The following PEAK1 variants were observed in gnomAD, a reference collection of about 807,000 sequenced individuals.
PEAK1 encodes the protein inactive tyrosine-protein kinase PEAK1.
A neutral mutation model predicts 124.7 loss-of-function variants in PEAK1; 54 were observed. That is an observed-to-expected ratio of 0.43 (90% CI 0.35 to 0.54). The LOEUF (loss-of-function observed/expected upper bound fraction) is 0.54, where lower values mean the gene tolerates loss of function less well. Among genes scored for constraint, PEAK1 ranks in the 20% least tolerant of loss-of-function variants. PEAK1 has a pLI of 0.01. For synonymous variants in PEAK1, 719 were observed against 760.0 expected (o/e 0.95, Z 0.89); for missense variants, 2,046 against 2,134.5 (o/e 0.96, Z 0.82).
rs78784424 is a variant in PEAK1, at chr15:77,418,139, T to C, written c.-666+1867A>G. 6.3e-5 allele frequency: 62 copies of C among 984,168 alleles called. No homozygotes were observed. The East Asian group carries it at 6.9e-3, about 110-fold the overall frequency. The allele number at this position is 984,168 out of a possible 1,614,324, so 61.0% of individuals were successfully genotyped here. ...ACAAACATTATTGTGAAAGTTTCTG[T>C]ATACTATCAACTGGATAAAACGAAT... On this transcript the variant is annotated intron_variant, in intron 1 of 9. Transcript: ENST00000682557.
Position 77,132,918 on chromosome 15 carries a change from GGAAA to G in PEAK1, c.4077+83_4077+86del, listed in dbSNP as rs1567007794. 3.0e-6 allele frequency: 4 copies of G among 1,346,542 alleles called. 1 individual carries two copies. Among genetic ancestry groups the G allele is most frequent in the Non-Finnish European group, 1.0e-6 (1 of 980,832 alleles). The allele number at this position is 1,346,542 out of a possible 1,614,324, so 83.4% of individuals were successfully genotyped here. ...ATAATTTGCTGAATGGAAGAATGAA[GGAAA>G]GAAAGGAGAAAAGCAGAATGAATCC... On this transcript the variant is annotated intron_variant, in intron 9 of 9. Transcript: ENST00000682557.
At chr15:77,376,810 T>C (rs746046607) in intron 1 of PEAK1, among the ~76,000 whole-genome samples, 1 of 152,232 alleles carries the variant, frequency 6.6e-6, no homozygotes, top group African/African-American at 2.4e-5. Flanking sequence ...GGCTTTTTTA[T>C]GTAAGCTATT....
intron 6 of PEAK1, among the ~76,000 whole-genome samples, chr15:77,184,619 G>A (rs901642396): frequency 6.6e-6 from 1 of 152,236 alleles, no homozygotes; most frequent in Admixed American, 6.5e-5. Context: ...CAGGTAGGCT[G>A]GGCGCGGTAG....
At chr15:77,414,494 A>G (rs1486681607) in intron 1 of PEAK1, among the ~76,000 whole-genome samples, 1 of 151,392 alleles carries the variant, frequency 6.6e-6, no homozygotes, top group African/African-American at 2.4e-5. Context: ...GACTACAGGT[A>G]TGACCCACTA....
At chr15:77,251,637 G>C (rs969029068) in intron 6 of PEAK1, among the ~76,000 whole-genome samples, 1 of 152,176 alleles carries the variant, frequency 6.6e-6, no homozygotes, top group Non-Finnish European at 1.5e-5. Context: ...TGAAGGATGT[G>C]AGGTAGGAGG....
intron 6 of PEAK1, among the ~76,000 whole-genome samples, chr15:77,223,684 T>C (rs138497568): frequency 3.3e-5 from 5 of 152,130 alleles, no homozygotes; most frequent in African/African-American, 2.4e-5. Flanking sequence ...CATTTGACCA[T>C]AGAGAGAATA....
chr15:77,121,805 C>G (rs532200076), intron 9 of PEAK1, among the ~76,000 whole-genome samples: 1 of 152,176 alleles, frequency 6.6e-6, no homozygotes, highest in East Asian at 1.9e-4. Flanking sequence ...CCTCAGTGAA[C>G]CTTAAGTGAG....
chr15:77,165,488 C>T (rs116291423), intron 7 of PEAK1, among the ~76,000 whole-genome samples: 5,468 of 152,260 alleles, frequency 0.036, 282 homozygotes, highest in African/African-American at 0.11. Context: ...TGAGCCACTG[C>T]GCCCGACCCT....
chr15:77,249,337 T>C (rs1403112076), intron 6 of PEAK1, among the ~76,000 whole-genome samples: 1 of 152,192 alleles, frequency 6.6e-6, no homozygotes, highest in Non-Finnish European at 1.5e-5. Flanking sequence ...TTTCAGCTAA[T>C]GAAATAAACT....
intron 5 of PEAK1, among the ~76,000 whole-genome samples, chr15:77,257,819 T>A (rs1256589942): frequency 7.7e-6 from 1 of 130,674 alleles, no homozygotes; most frequent in Non-Finnish European, 1.8e-5. Context: ...ATGTCCTGAA[T>A]GGTAAGGCCT....
At chr15:77,316,209 A>G (rs562871378) in intron 2 of PEAK1, among the ~76,000 whole-genome samples, 1 of 152,324 alleles carries the variant, frequency 6.6e-6, no homozygotes, top group East Asian at 1.9e-4. Flanking sequence ...TCACATACCC[A>G]ACAGGTTTAG....
chr15:77,226,449 A>G (rs1479187631), intron 6 of PEAK1, among the ~76,000 whole-genome samples: 1 of 152,038 alleles, frequency 6.6e-6, no homozygotes, highest in Non-Finnish European at 1.5e-5. Flanking sequence ...ATATACCAGT[A>G]TATCTGTTCT....
At chr15:77,372,058 C>A (rs1017816577) in intron 1 of PEAK1, among the ~76,000 whole-genome samples, 7 of 152,168 alleles carry the variant, frequency 4.6e-5, no homozygotes, top group African/African-American at 7.2e-5. Context: ...AGGTATAAGG[C>A]AACAACTCTG....
chr15:77,248,402 A>G (rs2060692922), intron 6 of PEAK1, among the ~76,000 whole-genome samples: 1 of 152,236 alleles, frequency 6.6e-6, no homozygotes, highest in Non-Finnish European at 1.5e-5. Flanking sequence ...CCGTTGAATG[A>G]ATATTTGTGT....
chr15:77,390,321 G>C (rs771340139), intron 1 of PEAK1, among the ~76,000 whole-genome samples: 6 of 152,166 alleles, frequency 3.9e-5, no homozygotes, highest in Non-Finnish European at 7.3e-5. Context: ...CAGCAATTCT[G>C]GAATTTTCAA....
At chr15:77,290,283 C>A (rs757747602) in intron 2 of PEAK1, among the ~76,000 whole-genome samples, 1 of 152,208 alleles carries the variant, frequency 6.6e-6, no homozygotes, top group Non-Finnish European at 1.5e-5. Flanking sequence ...CAGCACCATG[C>A]CTGGCTAATT....
chr15:77,178,165 A>G (rs1167251989), intron 7 of PEAK1: 1 of 152,356 alleles, frequency 6.6e-6, no homozygotes, highest in Non-Finnish European at 1.5e-5. Context: ...CAATCTGTCT[A>G]GCTGAACTGA....
intron 1 of PEAK1, among the ~76,000 whole-genome samples, chr15:77,375,417 T>A (rs1440036630): frequency 6.6e-5 from 10 of 152,180 alleles, no homozygotes; most frequent in Non-Finnish European, 1.5e-4. Context: ...TAAGCCAAGG[T>A]AGCACTGAAG....
intron 7 of PEAK1, among the ~76,000 whole-genome samples, chr15:77,174,960 T>C (rs2056756392): frequency 1.3e-5 from 2 of 151,574 alleles, no homozygotes; most frequent in East Asian, 3.9e-4. Flanking sequence ...TATCTACAAC[T>C]ATCTGATCTT....
Sources: gnomAD v4.1 joint callset for allele counts (sites outside exome capture counted in the v4.1 genomes callset) on GRCh38, gnomAD v4.1.1 for gene constraint, MANE v1.5 for transcripts, NCBI Gene and HGNC (gene_info 2026-07-23, HGNC 2026-07-21) for gene names.